YWHAZ: variants seen among roughly 807,000 people sequenced by gnomAD.
YWHAZ encodes tyrosine 3-monooxygenase/tryptophan 5-monooxygenase activation protein zeta.
For missense variants in YWHAZ, 79 were observed against 284.8 expected (o/e 0.28, Z 5.20); for synonymous variants, 87 against 103.6 (o/e 0.84, Z 0.97).
Position 100,916,827 on chromosome 8 carries a change from A to G in YWHAZ, c.*3866T>C, listed in dbSNP as rs1292434369. On this transcript the variant is annotated 3_prime_UTR_variant, in exon 6 of 6. Transcript: ENST00000395958. ...ATATTCAGGTCTCTCCACTTTGAAAAGGAACTAGAATCAATCAAGGAGACT... is the reference window on the plus strand; with the variant it reads ...ATATTCAGGTCTCTCCACTTTGAAAGGGAACTAGAATCAATCAAGGAGACT... 6.6e-6 allele frequency: 1 copy of G among 152,208 alleles called. No individual in the cohort carries two copies. Among genetic ancestry groups the G allele is most frequent in the Non-Finnish European group, 1.5e-5 (1 of 68,036 alleles). The allele number at this position is 152,208 out of a possible 1,614,324, so 9.4% of individuals were successfully genotyped here.
intron 2 of YWHAZ, among the ~76,000 whole-genome samples, chr8:100,927,315 C>T (rs1393630527): frequency 3.9e-5 from 6 of 151,968 alleles, no homozygotes; most frequent in Non-Finnish European, 8.8e-5. Context: ...TTCTTGAGTC[C>T]AGGAGTTTGA....
At position 100,948,981 on chromosome 8, in the gene YWHAZ, T is replaced by C. The variant is rs1810508482; in HGVS notation, c.-11-81A>G. 4 of 1,456,496 alleles carry C rather than the reference T, an allele frequency of 2.7e-6. No homozygotes were observed. The highest frequency in any genetic ancestry group is 2.3e-5 in the East Asian group (1 of 43,826). 90.2% of individuals were successfully genotyped at this position (1,456,496 alleles called of 1,614,324 possible). Reference sequence around the variant, plus strand: ...CAAAATTATACCTGTGGTAAATGAGTTTTTTAAACCTGAAACCTAACTGCC... The same window carrying C: ...CAAAATTATACCTGTGGTAAATGAGCTTTTTAAACCTGAAACCTAACTGCC... On this transcript the variant is annotated intron_variant, in intron 1 of 5. Transcript: ENST00000395958. This position sits in a 1 kb window ranked among gnomAD's most constrained non-coding sequence, Gnocchi z 4.2.
rs1813118779 is a variant in YWHAZ at position 100,922,780 on chromosome 8, G to A, written c.678+1175C>T. 6.6e-6 allele frequency: 1 copy of A among 152,206 alleles called. No individual in the cohort carries two copies. Among genetic ancestry groups the A allele is most frequent in the Non-Finnish European group, 1.5e-5 (1 of 68,040 alleles). The allele number at this position is 152,206 out of a possible 1,614,324, so 9.4% of individuals were successfully genotyped here. On this transcript the variant is annotated intron_variant, in intron 5 of 5. Transcript: ENST00000395958. This position sits in a 1 kb window ranked among gnomAD's most constrained non-coding sequence, Gnocchi z 4.1. ...AGTAGATCAGGGCCTCTCAAAAAGT[G>A]ATGTGAACAAAACACAGTATCTAGG...
intron 1 of YWHAZ, among the ~76,000 whole-genome samples, chr8:100,949,841 G>C (rs1029596203): frequency 2.6e-5 from 4 of 152,010 alleles, no homozygotes; most frequent in Non-Finnish European, 5.9e-5. Flanking sequence ...GGACCTTTTC[G>C]ATTTACCTCA....
At chr8:100,946,449 G>A (rs1810276995) in intron 2 of YWHAZ, among the ~76,000 whole-genome samples, 1 of 152,194 alleles carries the variant, frequency 6.6e-6, no homozygotes, top group South Asian at 2.1e-4. Flanking sequence ...TACTCGGGAG[G>A]TCAAGGCAGA....
At chr8:100,946,402 T>C (rs1334392803) in intron 2 of YWHAZ, among the ~76,000 whole-genome samples, 2 of 151,996 alleles carry the variant, frequency 1.3e-5, no homozygotes, top group African/African-American at 2.4e-5. Context: ...GTACAAAAAT[T>C]AGCTGGGCGT....
intron 1 of YWHAZ, chr8:100,951,326 C>G: frequency 1.0e-6 from 1 of 984,622 alleles, no homozygotes; most frequent in Non-Finnish European, 1.2e-6. Context: ...CCCGGCCCCT[C>G]CCCGCCGCGC....
chr8:100,923,943 T>C lies in YWHAZ; in HGVS notation c.678+12A>G, dbSNP rs1445550287. ...ACCACATTCATCACTAATGATGCTG[T>C]TATGTACTTACTGTCAAGTTGTCTC... On this transcript the variant is annotated intron_variant, in intron 5 of 5. Transcript: ENST00000395958. 6.2e-7 allele frequency: 1 copy of C among 1,606,022 alleles called. No individual in the cohort carries two copies. Among genetic ancestry groups the C allele is most frequent in the Non-Finnish European group, 8.5e-7 (1 of 1,176,376 alleles).
rs1242347026 is a variant in YWHAZ at position 100,932,310 on chromosome 8, A to T, written c.295-7271T>A. The stretch of plus-strand genomic sequence containing the variant: ...CTGATCTTAACCCACCCACTCACCC[A>T]CCCAAAAACCACCTTAGCTCTGAAC... On this transcript the variant is annotated intron_variant, in intron 2 of 5. Transcript: ENST00000395958. Among the ~76,000 whole-genome samples, 7 of 152,174 alleles carry T rather than the reference A, an allele frequency of 4.6e-5. No homozygotes were observed. In the South Asian group the frequency reaches 8.3e-4, roughly 18 times the overall value.
Position 100,924,342 on chromosome 8 carries a change from A to T in YWHAZ, c.419-44T>A, listed in dbSNP as rs559399139. ...AACGTACTGAGATAAAGTGTGCATT[A>T]TATCTTCACCCCTCAAACCAAACCT... is the stretch of plus-strand genomic sequence containing the variant. On this transcript the variant is annotated intron_variant, in intron 3 of 5. Transcript: ENST00000395958. The surrounding 1 kb of genome is among the most constrained non-coding windows in gnomAD (Gnocchi z 5.7). The T allele has an allele frequency of 1.9e-6, 3 of 1,579,356 alleles. No individual in the cohort carries two copies. The highest frequency in any genetic ancestry group is 2.7e-5 in the African/African-American group (2 of 74,004).
chr8:100,934,157 CAAAAAAAAAAAAAAAA>C (rs35069019), intron 2 of YWHAZ, among the ~76,000 whole-genome samples: 2 of 78,204 alleles, frequency 2.6e-5, no homozygotes, highest in South Asian at 4.4e-4. Context: ...AGACTCGTCT[CAAAAAAAAAAAAAAAA>C]AAAAAAAAAA....
chr8:100,952,824 C>T, upstream of YWHAZ: 2 of 1,000,582 alleles, frequency 2.0e-6, no homozygotes, highest in Non-Finnish European at 2.4e-6. Context: ...CCCCTCCCGG[C>T]CTCCCTCCCG....
intron 1 of YWHAZ, 25 bp downstream of exon 1, chr8:100,951,904 G>A (rs910117063): frequency 5.0e-6 from 5 of 993,906 alleles, no homozygotes; most frequent in Non-Finnish European, 6.0e-6. Flanking sequence ...AGGAAGCGAG[G>A]CGCGGCGGCG....
chr8:100,952,535 T>G, upstream of YWHAZ: 1 of 157,340 alleles, frequency 6.4e-6, no homozygotes, highest in Non-Finnish European at 1.4e-5. Flanking sequence ...GGGCTCCCGT[T>G]CAGCAACATC....
intron 2 of YWHAZ, among the ~76,000 whole-genome samples, chr8:100,933,975 G>A (rs1448538850): frequency 3.3e-5 from 5 of 151,694 alleles, no homozygotes; most frequent in African/African-American, 1.2e-4. Context: ...TGGCCATCAT[G>A]TTGAAACCCC....
chr8:100,941,563 T>C (rs549915954), intron 2 of YWHAZ, among the ~76,000 whole-genome samples: 2 of 152,212 alleles, frequency 1.3e-5, no homozygotes, highest in East Asian at 3.9e-4. Flanking sequence ...GGTGGGTGGA[T>C]CACCTGAGGT....
chr8:100,931,726 C>T (rs559246183), intron 2 of YWHAZ, among the ~76,000 whole-genome samples: 92 of 152,180 alleles, frequency 6.0e-4, no homozygotes, highest in African/African-American at 2.1e-3. Flanking sequence ...AGGCATTCTA[C>T]TCACTGGTTG....
At chr8:100,953,245 C>T (rs1337995395), upstream of YWHAZ, 1 of 985,334 alleles carries the variant, frequency 1.0e-6, no homozygotes, top group Non-Finnish European at 1.2e-6. Flanking sequence ...GTGAAGACCT[C>T]ATACTGCACA....
At chr8:100,929,648 G>C (rs914358819) in intron 2 of YWHAZ, among the ~76,000 whole-genome samples, 1 of 152,114 alleles carries the variant, frequency 6.6e-6, no homozygotes, top group African/African-American at 2.4e-5. Context: ...TTGTACACGT[G>C]GTCTTTTTCA....
Sources: gnomAD v4.1 joint callset for allele counts (sites outside exome capture counted in the v4.1 genomes callset) on GRCh38, gnomAD v4.1.1 for gene constraint, Gnocchi (gnomAD v3.1) non-coding constraint, MANE v1.5 for transcripts, NCBI Gene and HGNC (gene_info 2026-07-23, HGNC 2026-07-21) for gene names.